VPS26A: variants seen among roughly 807,000 people sequenced by gnomAD.
VPS26A encodes VPS26 retromer complex component A.
Under a neutral mutation model 42.4 loss-of-function variants are expected in VPS26A, and 22 were observed. The ratio of observed to expected loss-of-function variants is 0.52; its 90% confidence interval spans 0.37 to 0.74. The LOEUF is 0.74. Among genes scored for constraint, VPS26A ranks in the 30% least tolerant of loss-of-function variants. VPS26A has a pLI of 0.00. For missense variants in VPS26A, 276 were observed against 379.2 expected (o/e 0.73, Z 2.26); for synonymous variants, 110 against 123.5 (o/e 0.89, Z 0.73).
At chr10:69,127,641 A>G (rs1396658992) in intron 1 of VPS26A, among the ~76,000 whole-genome samples, 1 of 150,068 alleles carries the variant, frequency 6.7e-6, no homozygotes, top group Non-Finnish European at 1.5e-5. Flanking sequence ...TCAACCTATT[A>G]CTTTTTTGCA....
intron 8 of VPS26A, among the ~76,000 whole-genome samples, chr10:69,169,705 T>A (rs1454294438): frequency 1.3e-5 from 2 of 151,698 alleles, no homozygotes; most frequent in Non-Finnish European, 2.9e-5. Context: ...ACCTCCCGGG[T>A]TCAAGCAGTT....
At chr10:69,145,745 C>G in intron 2 of VPS26A, among the ~76,000 whole-genome samples, 1 of 148,654 alleles carries the variant, frequency 6.7e-6, no homozygotes, top group East Asian at 2.0e-4. Context: ...TTTTAAATAG[C>G]CTAATTGAGT....
rs533071020 is a variant in VPS26A, at chr10:69,143,793, T to C, written c.153+10746T>C. Among the ~76,000 whole-genome samples, 3 of 152,278 alleles carry C rather than the reference T, an allele frequency of 2.0e-5. No individual in the cohort carries two copies. In the East Asian group the frequency reaches 5.8e-4, roughly 29 times the overall value. Reference sequence around the variant, plus strand: ...GTGTAGTGATGTGGTCATGGCTCATTGTAGCCTTGACCTCTCAAGCTCAGG... The same window carrying C: ...GTGTAGTGATGTGGTCATGGCTCATCGTAGCCTTGACCTCTCAAGCTCAGG... On this transcript the variant is annotated intron_variant, in intron 2 of 8. Coordinates refer to ENST00000263559, the MANE Select transcript of VPS26A (RefSeq NM_004896.5).
At position 69,168,643 on chromosome 10, in the gene VPS26A, C is replaced by T. The variant is rs769988680; in HGVS notation, c.870+12C>T. On this transcript the variant is annotated intron_variant, in intron 8 of 8. Transcript: ENST00000263559. ...ACTTCAAACAGCAGGTATGGTGCCACTTGGGCTGGTATTATGTTCTGCGGC... is the reference window on the plus strand; with the variant it reads ...ACTTCAAACAGCAGGTATGGTGCCATTTGGGCTGGTATTATGTTCTGCGGC... 1 of 1,612,254 alleles carries T rather than the reference C, an allele frequency of 6.2e-7. No individual in the cohort carries two copies. The highest frequency in any genetic ancestry group is 1.1e-5 in the South Asian group (1 of 90,778).
At chr10:69,148,001 C>T (rs1447171923) in intron 2 of VPS26A, among the ~76,000 whole-genome samples, 2 of 152,206 alleles carry the variant, frequency 1.3e-5, no homozygotes, top group Admixed American at 6.5e-5. Context: ...CATGAGCCAC[C>T]GTGCCCAGCC....
intron 1 of VPS26A, among the ~76,000 whole-genome samples, chr10:69,132,134 A>G: frequency 6.6e-6 from 1 of 152,236 alleles, no homozygotes; most frequent in East Asian, 1.9e-4. Flanking sequence ...GCATTATAGT[A>G]GTACATTTGG....
chr10:69,132,643 A>G (rs1159298778), intron 1 of VPS26A, among the ~76,000 whole-genome samples: 2 of 151,934 alleles, frequency 1.3e-5, no homozygotes, highest in Non-Finnish European at 2.9e-5. Context: ...GGGTTTCATC[A>G]TATTGGTCAG....
chr10:69,149,133 A>C (rs969241268), intron 2 of VPS26A, among the ~76,000 whole-genome samples: 1 of 152,086 alleles, frequency 6.6e-6, no homozygotes, highest in Non-Finnish European at 1.5e-5. Flanking sequence ...TCTGCACACA[A>C]ATTATTCATT....
chr10:69,148,225 T>G (rs912667018), intron 2 of VPS26A, among the ~76,000 whole-genome samples: 1 of 152,246 alleles, frequency 6.6e-6, no homozygotes, highest in Non-Finnish European at 1.5e-5. Context: ...TTTTCACTGT[T>G]CTCTACTTTC....
At chr10:69,126,406 T>A (rs1840655436) in intron 1 of VPS26A, among the ~76,000 whole-genome samples, 1 of 151,962 alleles carries the variant, frequency 6.6e-6, no homozygotes, top group Admixed American at 6.5e-5. Flanking sequence ...AAACTCCGTC[T>A]CAACTAAAAA....
rs1219337102 is a variant in VPS26A, at chr10:69,173,159, A to G, written c.*1890A>G. Among the ~76,000 whole-genome samples the G allele has an allele frequency of 6.6e-6, 1 of 152,246 alleles. No homozygotes were observed. The highest frequency in any genetic ancestry group is 1.5e-5 in the Non-Finnish European group (1 of 68,036). ...GATTTCAGTCAAAAGTCAGCCAGCT[A>G]ATTAGAAGTCATAAACTGAAAAAGA... is the stretch of plus-strand genomic sequence containing the variant. On this transcript the variant is annotated 3_prime_UTR_variant, in exon 9 of 9. Coordinates refer to ENST00000263559, the MANE Select transcript of VPS26A (RefSeq NM_004896.5).
At chr10:69,166,848 C>T (rs1014876984) in intron 7 of VPS26A, among the ~76,000 whole-genome samples, 2 of 151,980 alleles carry the variant, frequency 1.3e-5, no homozygotes, top group African/African-American at 2.4e-5. Flanking sequence ...ATATTCAGGC[C>T]GGGTGTGGTG....
At chr10:69,127,266 G>T (rs1271364884) in intron 1 of VPS26A, among the ~76,000 whole-genome samples, 1 of 149,290 alleles carries the variant, frequency 6.7e-6, no homozygotes, top group Non-Finnish European at 1.5e-5. Context: ...TTTTCGATAT[G>T]CCCTAATGTA....
chr10:69,168,377 C>A, intron 7 of VPS26A, 112 bp from the exon 8 acceptor site: 1 of 1,169,760 alleles, frequency 8.5e-7, no homozygotes, highest in Non-Finnish European at 1.2e-6. Context: ...TGTTATTTTG[C>A]ATCTCATGAG....
chr10:69,132,780 T>G (rs935251238), intron 1 of VPS26A, 118 bp from the exon 2 acceptor site: 96 of 1,050,494 alleles, frequency 9.1e-5, no homozygotes, highest in Non-Finnish European at 1.2e-4. Flanking sequence ...TATCATTTCC[T>G]TATGAACTCA....
chr10:69,161,670 G>T, intron 5 of VPS26A: 1 of 354,794 alleles, frequency 2.8e-6, no homozygotes, highest in Non-Finnish European at 5.6e-6. Flanking sequence ...CCATTCCCCA[G>T]TTTCTTCTTG....
chr10:69,124,311 C>G, intron 1 of VPS26A, 31 bp downstream of exon 1: 1 of 1,245,058 alleles, frequency 8.0e-7, no homozygotes, highest in South Asian at 4.1e-5. Flanking sequence ...GCGCTCGCCT[C>G]CCGCCCTCGT....
At chr10:69,152,413 T>G (rs1841333532) in intron 2 of VPS26A, among the ~76,000 whole-genome samples, 1 of 152,216 alleles carries the variant, frequency 6.6e-6, no homozygotes, top group Non-Finnish European at 1.5e-5. Context: ...TAAAAATTCT[T>G]TATCATTATT....
intron 2 of VPS26A, among the ~76,000 whole-genome samples, chr10:69,137,440 CTTG>C (rs896784281): frequency 1.3e-5 from 2 of 152,066 alleles, no homozygotes; most frequent in Non-Finnish European, 2.9e-5. Flanking sequence ...CAGAAATTTC[CTTG>C]TTGTGCTATG....
Sources: gnomAD v4.1 joint callset for allele counts (sites outside exome capture counted in the v4.1 genomes callset) on GRCh38, gnomAD v4.1.1 for gene constraint, MANE v1.5 for transcripts, NCBI Gene and HGNC (gene_info 2026-07-23, HGNC 2026-07-21) for gene names.